FGFR1: variants seen among roughly 807,000 people sequenced by gnomAD.
FGFR1 encodes FGFR1/PLAG1 fusion.
Under a neutral mutation model 93.7 loss-of-function variants are expected in FGFR1, and 18 were observed. That is an observed-to-expected ratio of 0.19 (90% CI 0.13 to 0.28). The LOEUF (loss-of-function observed/expected upper bound fraction) is 0.28. Ranked by LOEUF, FGFR1 falls within the 10% of genes least tolerant of loss-of-function variation. FGFR1 has a pLI of 1.00. For missense variants in FGFR1, 731 were observed against 1,080.4 expected (o/e 0.68, Z 4.53); for synonymous variants, 448 against 429.3 (o/e 1.04, Z -0.54).
chr8:38,420,584 C>T (rs932140888), intron 8 of FGFR1, among the ~76,000 whole-genome samples: 2 of 151,974 alleles, frequency 1.3e-5, no homozygotes, highest in Non-Finnish European at 1.5e-5. Flanking sequence ...TAAGCCAGTT[C>T]GGTCCACCTT....
chr8:38,430,817 T>G (rs574852273), intron 2 of FGFR1: 1 of 152,146 alleles, frequency 6.6e-6, no homozygotes, highest in Non-Finnish European at 1.5e-5. Context: ...CCGGGGTGTC[T>G]GCACCTCACA....
rs781387198 is a variant in FGFR1, at chr8:38,429,284, T to G, written c.358+398A>C. ...CCAGCAGAGCAGGGATACCACCACC[T>G]GTTCAGGGCCTCTAATCACTAAGCC... is the stretch of plus-strand genomic sequence containing the variant. On this transcript the variant is annotated intron_variant, in intron 3 of 17. Coordinates refer to ENST00000447712, the MANE Select transcript of FGFR1 (RefSeq NM_023110.3). This position sits in a 1 kb window ranked among gnomAD's most constrained non-coding sequence, Gnocchi z 4.4. The G allele has an allele frequency of 3.8e-6, 2 of 524,814 alleles. No individual in the cohort carries two copies. The highest frequency in any genetic ancestry group is 7.5e-6 in the Non-Finnish European group (2 of 266,700). The allele number at this position is 524,814 out of a possible 1,614,324, so 32.5% of individuals were successfully genotyped here.
intron 2 of FGFR1, among the ~76,000 whole-genome samples, chr8:38,432,242 T>C (rs1823412049): frequency 6.6e-6 from 1 of 152,126 alleles, no homozygotes; most frequent in African/African-American, 2.4e-5. Context: ...CGTAACTTCC[T>C]GCCCGTCCCA....
chr8:38,433,048 C>T (rs1011238548), intron 2 of FGFR1, among the ~76,000 whole-genome samples: 4 of 152,142 alleles, frequency 2.6e-5, no homozygotes, highest in African/African-American at 7.2e-5. Flanking sequence ...CCATCCAAAA[C>T]GTCCAGGGGC....
At chr8:38,423,001 G>C (rs1391253581) in intron 7 of FGFR1, 1 of 779,006 alleles carries the variant, frequency 1.3e-6, no homozygotes, top group Admixed American at 1.7e-5. Flanking sequence ...CCCCAGCACA[G>C]GGTCCCATCC....
At chr8:38,415,474 T>TC (rs1020322056) in intron 13 of FGFR1, among the ~76,000 whole-genome samples, 1 of 151,650 alleles carries the variant, frequency 6.6e-6, no homozygotes, top group African/African-American at 2.4e-5. Context: ...TTTAATTTTT[T>TC]TTTTTTTTTT....
At position 38,425,881 on chromosome 8, in the gene FGFR1, G is replaced by T. The variant is rs917284141; in HGVS notation, c.745+241C>A. On this transcript the variant is annotated intron_variant, in intron 6 of 17. Transcript: ENST00000447712. Reference sequence around the variant, plus strand: ...CCTCCTTCAGGACAGACTCTGAACAGCACCTTCAATTTCACAGTGACAACC... The same window carrying T: ...CCTCCTTCAGGACAGACTCTGAACATCACCTTCAATTTCACAGTGACAACC... 4 of 575,060 alleles carry T rather than the reference G, an allele frequency of 7.0e-6. No individual in the cohort carries two copies. The South Asian group carries it at 7.4e-5, about 11-fold the overall frequency. 35.6% of individuals were successfully genotyped at this position (575,060 alleles called of 1,614,324 possible).
rs1029560273 is a variant in FGFR1, at chr8:38,434,355, C to T, written c.92-4407G>A. ...TTTTTTTTTTTTTTTTTATAACAACCGCTAATCAGTTTATTAAAATAGTTG... is the reference window on the plus strand; with the variant it reads ...TTTTTTTTTTTTTTTTTATAACAACTGCTAATCAGTTTATTAAAATAGTTG... On this transcript the variant is annotated intron_variant, in intron 2 of 17. Coordinates refer to ENST00000447712, the MANE Select transcript of FGFR1 (RefSeq NM_023110.3). 18 of 245,132 alleles carry T rather than the reference C, an allele frequency of 7.3e-5. 1 individual carries two copies. In the South Asian group the frequency reaches 8.0e-4, roughly 11 times the overall value. 15.2% of individuals were successfully genotyped at this position (245,132 alleles called of 1,614,324 possible).
chr8:38,446,976 A>G (rs534979018), intron 2 of FGFR1, among the ~76,000 whole-genome samples: 4 of 152,174 alleles, frequency 2.6e-5, no homozygotes, highest in Non-Finnish European at 5.9e-5. Context: ...GGCAGCGTCC[A>G]TGGGGATTTT....
rs56351324 is a variant in FGFR1, at chr8:38,425,916, C to T, written c.745+206G>A. The T allele has an allele frequency of 5.5e-4, 357 of 649,474 alleles. 1 individual carries two copies. In the East Asian group the frequency reaches 8.8e-3, roughly 16 times the overall value. 40.2% of individuals were successfully genotyped at this position (649,474 alleles called of 1,614,324 possible). ...TTTCACAGTGACAACCAGCTTTGAC[C>T]GTGTTACTGTCTGATCTTAACTCTA... is the stretch of plus-strand genomic sequence containing the variant. On this transcript the variant is annotated intron_variant, in intron 6 of 17. Transcript: ENST00000447712.
chr8:38,443,531 G>A (rs1828266135), intron 2 of FGFR1, among the ~76,000 whole-genome samples: 1 of 151,530 alleles, frequency 6.6e-6, no homozygotes, highest in Non-Finnish European at 1.5e-5. Context: ...AAATTAGCCA[G>A]GCATGGTAGC....
rs906982605 is a variant in FGFR1 at position 38,411,484 on chromosome 8, G to A, written c.*2144C>T. ...TAAATACAAATTGTAATGTTAGCAG[G>A]TGCTATTTACAGAGAGAAACAAAGA... On this transcript the variant is annotated 3_prime_UTR_variant, in exon 18 of 18. Coordinates refer to ENST00000447712, the MANE Select transcript of FGFR1 (RefSeq NM_023110.3). 32 of 227,694 alleles carry A rather than the reference G, an allele frequency of 1.4e-4. 1 individual carries two copies. The highest frequency in any genetic ancestry group is 6.4e-4 in the African/African-American group (29 of 45,022). The allele number at this position is 227,694 out of a possible 1,614,324, so 14.1% of individuals were successfully genotyped here. A position where few individuals can be genotyped will look rare whatever the true frequency, so the allele number is the denominator to read the frequency against.
At position 38,412,417 on chromosome 8, in the gene FGFR1, C is replaced by A. The variant is rs185104092; in HGVS notation, c.*1211G>T. On this transcript the variant is annotated 3_prime_UTR_variant, in exon 18 of 18. Coordinates refer to ENST00000447712, the MANE Select transcript of FGFR1 (RefSeq NM_023110.3). The stretch of plus-strand genomic sequence containing the variant: ...GGTAGGTGCCCCCTCCCCAGCCCAA[C>A]CCCACCGGTTTCCTTGGAGGAAACC... 6.7e-4 allele frequency: 156 copies of A among 232,574 alleles called. No individual in the cohort carries two copies. The highest frequency in any genetic ancestry group is 5.1e-3 in the Middle Eastern group (4 of 784). The allele number at this position is 232,574 out of a possible 1,614,324, so 14.4% of individuals were successfully genotyped here. A position where few individuals can be genotyped will look rare whatever the true frequency, so the allele number is the denominator to read the frequency against.
intron 1 of FGFR1, among the ~76,000 whole-genome samples, chr8:38,458,662 A>G (rs568303866): frequency 1.2e-4 from 18 of 152,356 alleles, no homozygotes; most frequent in African/African-American, 4.1e-4. Flanking sequence ...AATGGAAGCC[A>G]GGTACAGAGA....
Position 38,413,214 on chromosome 8 carries a change from C to T in FGFR1, c.*414G>A. ...CTCCCTACTGCTGTAGCCCTGAGGACAAGGCACCTGCCACCAGAGTGCGAG... is the reference window on the plus strand; with the variant it reads ...CTCCCTACTGCTGTAGCCCTGAGGATAAGGCACCTGCCACCAGAGTGCGAG... On this transcript the variant is annotated 3_prime_UTR_variant, in exon 18 of 18. Coordinates refer to ENST00000447712, the MANE Select transcript of FGFR1 (RefSeq NM_023110.3). The surrounding 1 kb of genome is among the most constrained non-coding windows in gnomAD (Gnocchi z 4.2). 3.4e-6 allele frequency: 1 copy of T among 293,128 alleles called. No individual in the cohort carries two copies. Among genetic ancestry groups the T allele is most frequent in the African/African-American group, 2.1e-5 (1 of 47,350 alleles). 18.2% of individuals were successfully genotyped at this position (293,128 alleles called of 1,614,324 possible).
chr8:38,411,744 G>C lies in FGFR1; in HGVS notation c.*1884C>G, dbSNP rs1280570356. The stretch of plus-strand genomic sequence containing the variant: ...TGAGGACAGTGATGACCAGCAGGTG[G>C]CAGAAGTAAATTCCAAGCAGCCAAA... On this transcript the variant is annotated 3_prime_UTR_variant, in exon 18 of 18. Transcript: ENST00000447712. 1 of 231,218 alleles carries C rather than the reference G, an allele frequency of 4.3e-6. No individual in the cohort carries two copies. The highest frequency in any genetic ancestry group is 8.6e-6 in the Non-Finnish European group (1 of 116,498). 14.3% of individuals were successfully genotyped at this position (231,218 alleles called of 1,614,324 possible).
chr8:38,421,465 G>T (rs1049290087), intron 8 of FGFR1, among the ~76,000 whole-genome samples: 15 of 152,192 alleles, frequency 9.9e-5, no homozygotes, highest in African/African-American at 3.1e-4. Context: ...GCGGAGGGGG[G>T]AGGCTGCTGG....
In FGFR1 at chr8:38,429,887, C is replaced by T. The variant is rs749915271; in HGVS notation, c.153G>A (p.Leu51=). 5 of 1,613,860 alleles carry T rather than the reference C, an allele frequency of 3.1e-6. No individual in the cohort carries two copies. Among genetic ancestry groups the T allele is most frequent in the Non-Finnish European group, 4.2e-6 (5 of 1,180,012 alleles). ...CGTCCCGCAGCCGACAGCGAAGCTG[C>T]AGCAGGTCACCGGGGTGGACCAGGA... ...ESFLVHPGDL[L]QLRCRLRDDV... is the part of the protein sequence containing the mutation. The change falls in exon 3 of 18, where the codon CTG becomes CTA. Residue 51 remains leucine (L), a synonymous_variant. Coordinates refer to ENST00000447712, the MANE Select transcript of FGFR1 (RefSeq NM_023110.3). This position sits in a 1 kb window ranked among gnomAD's most constrained non-coding sequence, Gnocchi z 4.4.
chr8:38,416,045 A>G lies in FGFR1; in HGVS notation c.1679T>C (p.Ile560Thr), dbSNP rs762402991. 1 of 1,612,646 alleles carries G rather than the reference A, an allele frequency of 6.2e-7. No homozygotes were observed. Among genetic ancestry groups the G allele is most frequent in the Non-Finnish European group, 8.5e-7 (1 of 1,179,796 alleles). Residue 560 changes from isoleucine to threonine, a missense_variant, in exon 13 of 18, where the codon ATC becomes ACC. By Grantham distance (89) the Ile-to-Thr change is moderately conservative (BLOSUM62 -1). This residue lies in a region of FGFR1 where 62 missense variants were observed against 99.5 expected (regional missense o/e 0.62). Transcript: ENST00000447712. ...GTTGCCCTTGGAGGCATACTCCACG[A>G]TGACATACAAGGGACCTGCAGGCAC... is the stretch of plus-strand genomic sequence containing the variant. ...ACTQDGPLYVIVEYASKGNLR... is the reference protein window; with the variant it reads ...ACTQDGPLYVTVEYASKGNLR...
Sources: gnomAD v4.1 joint callset for allele counts (sites outside exome capture counted in the v4.1 genomes callset) on GRCh38, gnomAD v4.1.1 for gene constraint, gnomAD v4.1.1 regional missense constraint, Gnocchi (gnomAD v3.1) non-coding constraint, MANE v1.5 for transcripts, NCBI Gene and HGNC (gene_info 2026-07-23, HGNC 2026-07-21) for gene names.